The following AFF3 variants were observed in gnomAD, a reference collection of about 807,000 sequenced individuals.
AFF3 encodes the protein AF4/FMR2 family member 3.
In AFF3, 32 loss-of-function variants were observed where a neutral mutation model predicts 129.7. The observed-to-expected ratio is 0.25, with a 90% CI of 0.19 to 0.33. AFF3 has a LOEUF of 0.33. Ranked by LOEUF, AFF3 falls within the 10% of genes least tolerant of loss-of-function variation. The probability of loss-of-function intolerance (pLI) is 1.00; values close to 1 mark genes in which losing one functional copy is unlikely to be tolerated. For synonymous variants in AFF3, 644 were observed against 635.4 expected (o/e 1.01, Z -0.20); for missense variants, 1,373 against 1,592.0 (o/e 0.86, Z 2.34).
intron 7 of AFF3, among the ~76,000 whole-genome samples, chr2:99,877,417 T>C (rs747827143): frequency 2.0e-5 from 3 of 152,128 alleles, no homozygotes; most frequent in Admixed American, 6.5e-5. Context: ...ATGCTAACAA[T>C]TGGAATCACC....
chr2:99,799,852 A>T (rs1685806475), intron 8 of AFF3, among the ~76,000 whole-genome samples: 1 of 152,164 alleles, frequency 6.6e-6, no homozygotes, highest in Admixed American at 6.5e-5. Flanking sequence ...AAGTGGAGAA[A>T]GGACAGTATT....
intron 12 of AFF3, among the ~76,000 whole-genome samples, chr2:99,668,541 T>G (rs1686880457): frequency 6.6e-6 from 1 of 151,610 alleles, no homozygotes; most frequent in African/African-American, 2.4e-5. Flanking sequence ...GCTAAATAAT[T>G]ATCATCTTTT....
chr2:99,997,536 T>C (rs574633317), intron 7 of AFF3, among the ~76,000 whole-genome samples: 5 of 150,174 alleles, frequency 3.3e-5, no homozygotes, highest in South Asian at 4.3e-4. Flanking sequence ...CCCTGACCCA[T>C]TACAGCTCAT....
chr2:99,655,213 T>TACACACAC (rs59646108), intron 12 of AFF3, among the ~76,000 whole-genome samples: 186 of 130,356 alleles, frequency 1.4e-3, no homozygotes, highest in African/African-American at 3.9e-3. Context: ...CATGAAAAGC[T>TACACACAC]ACACACACAC....
intron 7 of AFF3, among the ~76,000 whole-genome samples, chr2:99,922,179 T>C (rs943197810): frequency 6.6e-6 from 1 of 152,164 alleles, no homozygotes; most frequent in African/African-American, 2.4e-5. Flanking sequence ...TCTTTAAAAG[T>C]TAAACACAAA....
chr2:99,874,593 T>G (rs780879305), intron 7 of AFF3, among the ~76,000 whole-genome samples: 7 of 152,322 alleles, frequency 4.6e-5, no homozygotes, highest in Non-Finnish European at 8.8e-5. Context: ...TAAAAACTTG[T>G]GTGATTTTTT....
intron 8 of AFF3, among the ~76,000 whole-genome samples, chr2:99,823,459 AAAT>A (rs1427590091): frequency 1.3e-5 from 2 of 152,324 alleles, no homozygotes; most frequent in East Asian, 3.9e-4. Context: ...TGATTTTTAA[AAAT>A]AATATGTACT....
chr2:100,048,315 T>C (rs1006477805), intron 4 of AFF3, among the ~76,000 whole-genome samples: 2 of 152,240 alleles, frequency 1.3e-5, no homozygotes, highest in Non-Finnish European at 2.9e-5. Context: ...TTTAGCATGT[T>C]ACAGTGTAAA....
intron 11 of AFF3, among the ~76,000 whole-genome samples, chr2:99,673,403 C>G (rs533948689): frequency 6.6e-6 from 1 of 151,906 alleles, no homozygotes; most frequent in Admixed American, 6.6e-5. Flanking sequence ...CGGGGAAGCA[C>G]GAGGTTAAAA....
chr2:100,114,967 T>C (rs1317284535), intron 2 of AFF3, among the ~76,000 whole-genome samples: 1 of 152,222 alleles, frequency 6.6e-6, no homozygotes, highest in Non-Finnish European at 1.5e-5. Flanking sequence ...TGTATTTCAA[T>C]TTTTTTCTCC....
intron 7 of AFF3, among the ~76,000 whole-genome samples, chr2:99,894,842 G>A (rs1350304049): frequency 6.6e-6 from 1 of 152,154 alleles, no homozygotes; most frequent in East Asian, 1.9e-4. Flanking sequence ...ACATCACACA[G>A]TACAAAAGCA....
chr2:99,853,075 C>T (rs1297690946), intron 7 of AFF3, among the ~76,000 whole-genome samples: 1 of 152,022 alleles, frequency 6.6e-6, no homozygotes, highest in African/African-American at 2.4e-5. Context: ...TGCTGCTGAG[C>T]CATCTGCTCA....
chr2:99,709,325 T>C (rs1020216518), intron 11 of AFF3, among the ~76,000 whole-genome samples: 15 of 152,278 alleles, frequency 9.9e-5, no homozygotes, highest in African/African-American at 3.6e-4. Context: ...TCTGTGCACA[T>C]ATTCCTTATC....
At chr2:100,132,045 T>G (rs548844536) in intron 1 of AFF3, among the ~76,000 whole-genome samples, 1 of 152,296 alleles carries the variant, frequency 6.6e-6, no homozygotes, top group East Asian at 1.9e-4. Flanking sequence ...CAGAACATTT[T>G]TAGTTCCACA....
At chr2:99,974,911 T>C (rs1314750305) in intron 7 of AFF3, among the ~76,000 whole-genome samples, 1 of 152,204 alleles carries the variant, frequency 6.6e-6, no homozygotes, top group East Asian at 1.9e-4. Flanking sequence ...GGTATGGCAG[T>C]GCAGCTCCGT....
intron 10 of AFF3, among the ~76,000 whole-genome samples, chr2:99,728,418 T>C (rs551267123): frequency 6.6e-6 from 1 of 152,314 alleles, no homozygotes; most frequent in South Asian, 2.1e-4. Context: ...GGCCCACACA[T>C]TGTACCATAC....
chr2:99,681,908 A>AC (rs1553428557), intron 11 of AFF3, among the ~76,000 whole-genome samples: 15 of 139,540 alleles, frequency 1.1e-4, no homozygotes, highest in South Asian at 2.2e-4. Flanking sequence ...CCTTAATTCT[A>AC]TTTTTTTTTT....
chr2:99,994,687 A>G (rs140685364), intron 7 of AFF3, among the ~76,000 whole-genome samples: 2 of 152,362 alleles, frequency 1.3e-5, no homozygotes, highest in African/African-American at 4.8e-5. Flanking sequence ...AAAGACAGAA[A>G]GGTATGAAAG....
At chr2:99,614,506 T>C (rs1216634167) in intron 13 of AFF3, among the ~76,000 whole-genome samples, 1 of 152,208 alleles carries the variant, frequency 6.6e-6, no homozygotes, top group East Asian at 1.9e-4. Context: ...CAATTTGAGA[T>C]ACCAGAGAGC....
Sources: gnomAD v4.1 joint callset for allele counts (sites outside exome capture counted in the v4.1 genomes callset) on GRCh38, gnomAD v4.1.1 for gene constraint, MANE v1.5 for transcripts, NCBI Gene and HGNC (gene_info 2026-07-23, HGNC 2026-07-21) for gene names.